ZPBP: variants seen among roughly 807,000 people sequenced by gnomAD.
ZPBP encodes the protein zona pellucida binding protein.
Under a neutral mutation model 44.8 loss-of-function variants are expected in ZPBP, and 26 were observed. That is an observed-to-expected ratio of 0.58 (90% CI 0.43 to 0.81). The LOEUF is 0.81. Ranked by LOEUF, ZPBP falls within the 30% of genes least tolerant of loss-of-function variation. The pLI is 0.00. For synonymous variants in ZPBP, 174 were observed against 153.2 expected, an observed-to-expected ratio of 1.14 and a Z score of -1.00; for missense variants, 409 against 434.0, an observed-to-expected ratio of 0.94 and a Z score of 0.51.
chr7:50,049,907 A>G (rs1285555268), intron 4 of ZPBP, among the ~76,000 whole-genome samples: 1 of 152,054 alleles, frequency 6.6e-6, no homozygotes. Context: ...ATCTACCAAA[A>G]TCTAAAAATC....
chr7:49,982,976 C>A (rs1402314511), intron 7 of ZPBP, among the ~76,000 whole-genome samples: 1 of 151,926 alleles, frequency 6.6e-6, no homozygotes, highest in Non-Finnish European at 1.5e-5. Context: ...GAAAAAGTCA[C>A]AAAGATATCT....
chr7:49,941,130 A>G (rs1794864770), intron 7 of ZPBP, among the ~76,000 whole-genome samples: 1 of 152,218 alleles, frequency 6.6e-6, no homozygotes, highest in African/African-American at 2.4e-5. Context: ...CACAGACACT[A>G]TTTAAAAAAC....
intron 7 of ZPBP, among the ~76,000 whole-genome samples, chr7:49,951,769 A>G (rs1795355720): frequency 6.6e-6 from 1 of 151,710 alleles, no homozygotes; most frequent in Non-Finnish European, 1.5e-5. Flanking sequence ...GCACTTAAGT[A>G]TATACTTTTC....
chr7:49,842,016 G>A, the ZPBP span, among the ~76,000 whole-genome samples: 18 of 151,922 alleles, frequency 1.2e-4, no homozygotes, highest in Non-Finnish European at 1.6e-4. Flanking sequence ...ACAGGTGCTC[G>A]CCACCACGCC....
intron 1 of ZPBP, among the ~76,000 whole-genome samples, chr7:49,923,326 G>T (rs1044493529): frequency 1.3e-5 from 2 of 152,104 alleles, no homozygotes; most frequent in Admixed American, 1.3e-4. Flanking sequence ...ATGTAAAAAA[G>T]AATTATGACA....
At chr7:49,988,167 GT>G (rs761890160) in intron 6 of ZPBP, among the ~76,000 whole-genome samples, 1 of 152,138 alleles carries the variant, frequency 6.6e-6, no homozygotes, top group Non-Finnish European at 1.5e-5. Context: ...AGCTAAATCT[GT>G]AAAAGGTTAT....
chr7:49,975,045 T>C (rs1796447382), intron 7 of ZPBP, among the ~76,000 whole-genome samples: 1 of 152,024 alleles, frequency 6.6e-6, no homozygotes, highest in South Asian at 2.1e-4. Flanking sequence ...TGGCAGCAAG[T>C]GGGGACAATA....
chr7:50,053,047 G>C (rs891612917), intron 4 of ZPBP, among the ~76,000 whole-genome samples: 1 of 152,016 alleles, frequency 6.6e-6, no homozygotes. Context: ...CTACCCATGG[G>C]ATAAAAATGG....
chr7:49,941,163 T>C (rs1794867363), intron 7 of ZPBP, among the ~76,000 whole-genome samples: 1 of 152,144 alleles, frequency 6.6e-6, no homozygotes, highest in Non-Finnish European at 1.5e-5. Context: ...TTGGTCATGA[T>C]GTGGAGAAAT....
intron 2 of ZPBP, among the ~76,000 whole-genome samples, chr7:49,897,044 C>T (rs1420010224): frequency 2.0e-5 from 3 of 151,830 alleles, no homozygotes; most frequent in Non-Finnish European, 2.9e-5. Context: ...TACAGGCGCC[C>T]GCCACCTCGC....
intron 4 of ZPBP, among the ~76,000 whole-genome samples, chr7:50,052,670 A>G (rs1313009010): frequency 6.6e-6 from 1 of 152,210 alleles, no homozygotes; most frequent in Non-Finnish European, 1.5e-5. Flanking sequence ...GAAGCTTTAC[A>G]TGCAACAGCC....
chr7:49,991,937 AAAGT>A (rs1370612165), intron 6 of ZPBP, among the ~76,000 whole-genome samples: 2 of 152,010 alleles, frequency 1.3e-5, no homozygotes, highest in Non-Finnish European at 2.9e-5. Flanking sequence ...GGGAAAAAGA[AAAGT>A]AAGAATGTAG....
At chr7:50,083,018 C>T (rs779378089) in intron 2 of ZPBP, among the ~76,000 whole-genome samples, 1 of 151,820 alleles carries the variant, frequency 6.6e-6, no homozygotes, top group South Asian at 2.1e-4. Context: ...CAGCAGCACA[C>T]AGCATCATTC....
chr7:50,047,883 G>A (rs575964303), intron 4 of ZPBP, among the ~76,000 whole-genome samples: 13 of 152,274 alleles, frequency 8.5e-5, no homozygotes, highest in Admixed American at 6.5e-4. Context: ...TGGAGTGCGC[G>A]AGGAAGCACT....
chr7:49,912,864 T>C (rs1016078831), intron 1 of ZPBP: 2 of 152,190 alleles, frequency 1.3e-5, no homozygotes, highest in Admixed American at 1.3e-4. Flanking sequence ...TTGTACACCA[T>C]AGGTAAGCAC....
At chr7:50,042,621 G>A (rs1800150474) in intron 4 of ZPBP, among the ~76,000 whole-genome samples, 1 of 152,158 alleles carries the variant, frequency 6.6e-6, no homozygotes, top group Admixed American at 6.5e-5. Context: ...CAAATGCTGA[G>A]AGATTGTGTC....
intron 1 of ZPBP, among the ~76,000 whole-genome samples, chr7:49,928,582 T>C (rs1794335041): frequency 2.6e-5 from 4 of 152,348 alleles, no homozygotes; most frequent in Middle Eastern, 6.8e-3. Flanking sequence ...GATGCTCAGA[T>C]TTTATAAAGA....
intron 1 of ZPBP, among the ~76,000 whole-genome samples, chr7:50,092,620 A>G (rs1424800360): frequency 6.6e-6 from 1 of 152,226 alleles, no homozygotes; most frequent in African/African-American, 2.4e-5. Context: ...TTAGAGGTCA[A>G]AACTTTAAAA....
At chr7:49,981,610 A>ATTATAT (rs1796954292) in intron 7 of ZPBP, among the ~76,000 whole-genome samples, 3 of 5,242 alleles carry the variant, frequency 5.7e-4, no homozygotes, top group African/African-American at 1.1e-3. Context: ...TAAATTATAT[A>ATTATAT]ATTATATTAT....
Sources: allele counts gnomAD v4.1 joint callset (sites outside exome capture counted in the v4.1 genomes callset), GRCh38; gene constraint gnomAD v4.1.1; transcripts MANE v1.5; gene names NCBI Gene and HGNC (gene_info 2026-07-23, HGNC 2026-07-21).